Variants in SPMIP2 observed in about 807,000 individuals in gnomAD.
The protein encoded by SPMIP2 is protein SPMIP2.
At chr4:158,968,298 G>A in the SPMIP2 span, among the ~76,000 whole-genome samples, 1 of 152,078 alleles carries the variant, frequency 6.6e-6, no homozygotes, top group African/African-American at 2.4e-5. Flanking sequence ...CAAAGTGCTG[G>A]GATTACAGGC....
At chr4:159,034,922 A>G in the SPMIP2 span, 1 of 815,654 alleles carries the variant, frequency 1.2e-6, no homozygotes, top group Non-Finnish European at 1.9e-6. Context: ...AAACAAAAAC[A>G]AAAAACATAT....
chr4:158,946,897 A>G, the SPMIP2 span, among the ~76,000 whole-genome samples: 3 of 152,190 alleles, frequency 2.0e-5, no homozygotes, highest in Admixed American at 6.5e-5. Context: ...TGCCTGGTAC[A>G]TAGTTGGCAC....
At chr4:158,938,548 A>G in the SPMIP2 span, among the ~76,000 whole-genome samples, 2 of 152,356 alleles carry the variant, frequency 1.3e-5, no homozygotes, top group South Asian at 4.1e-4. Context: ...TGCTAAGTGA[A>G]CACTTACTCG....
At chr4:159,019,516 C>T in the SPMIP2 span, among the ~76,000 whole-genome samples, 1 of 152,072 alleles carries the variant, frequency 6.6e-6, no homozygotes, top group Non-Finnish European at 1.5e-5. Context: ...ATCATGAGTG[C>T]CTCCCCTTCT....
chr4:158,918,531 TAACTATATAG>T, the SPMIP2 span, among the ~76,000 whole-genome samples: 1 of 152,376 alleles, frequency 6.6e-6, no homozygotes, highest in East Asian at 1.9e-4. Context: ...GTTATACAAG[TAACTATATAG>T]AAGAGTTTAG....
At chr4:158,970,166 G>A in the SPMIP2 span, among the ~76,000 whole-genome samples, 10 of 152,236 alleles carry the variant, frequency 6.6e-5, no homozygotes, top group East Asian at 1.4e-3. Context: ...GTCAATTCAC[G>A]CACCAAGTCT....
At chr4:158,916,918 A>C in the SPMIP2 span, among the ~76,000 whole-genome samples, 1 of 149,384 alleles carries the variant, frequency 6.7e-6, no homozygotes, top group African/African-American at 2.5e-5. Flanking sequence ...TGCTGGGATT[A>C]CAGGCATGAG....
the SPMIP2 span, among the ~76,000 whole-genome samples, chr4:159,035,531 ATT>A: frequency 6.6e-6 from 1 of 152,202 alleles, no homozygotes. Flanking sequence ...GGTTAAATAT[ATT>A]TGACAAACAC....
chr4:158,972,496 T>C, the SPMIP2 span, among the ~76,000 whole-genome samples: 1 of 152,196 alleles, frequency 6.6e-6, no homozygotes. Context: ...GAAAAAAATA[T>C]CCAAATTCTC....
At chr4:159,018,791 A>C in the SPMIP2 span, among the ~76,000 whole-genome samples, 1 of 152,060 alleles carries the variant, frequency 6.6e-6, no homozygotes, top group African/African-American at 2.4e-5. Context: ...ATCTTTAGTC[A>C]AGAAGAATAG....
the SPMIP2 span, among the ~76,000 whole-genome samples, chr4:158,900,823 G>A: frequency 6.6e-6 from 1 of 152,134 alleles, no homozygotes; most frequent in Non-Finnish European, 1.5e-5. Context: ...GGGGCATTTA[G>A]CCCGTATTTG....
the SPMIP2 span, among the ~76,000 whole-genome samples, chr4:159,018,034 A>G: frequency 5.3e-5 from 8 of 152,204 alleles, no homozygotes; most frequent in Non-Finnish European, 4.4e-5. Flanking sequence ...GGATTAGTGG[A>G]ACCCAAGGAG....
the SPMIP2 span, among the ~76,000 whole-genome samples, chr4:159,075,420 T>C: frequency 6.6e-6 from 1 of 152,252 alleles, no homozygotes; most frequent in African/African-American, 2.4e-5. Context: ...TTAACATTTT[T>C]TTCTAACCAT....
chr4:158,955,855 G>A, the SPMIP2 span, among the ~76,000 whole-genome samples: 1 of 152,328 alleles, frequency 6.6e-6, no homozygotes, highest in Admixed American at 6.5e-5. Flanking sequence ...CCTTCGAATG[G>A]AAGAAGTCCG....
At chr4:158,911,368 A>AAATAAATAAATAAATAAATAAAT in the SPMIP2 span, among the ~76,000 whole-genome samples, 3 of 146,888 alleles carry the variant, frequency 2.0e-5, no homozygotes, top group Non-Finnish European at 3.0e-5. Flanking sequence ...ATAAATAAAT[A>AAATAAATAAATAAATAAATAAAT]AATAAATAAA....
chr4:158,893,515 T>G, the SPMIP2 span: 2 of 553,384 alleles, frequency 3.6e-6, no homozygotes, highest in South Asian at 2.7e-5. Context: ...TATTAATGGT[T>G]GCAAAGACTG....
At chr4:159,080,630 C>T in the SPMIP2 span, among the ~76,000 whole-genome samples, 1 of 152,092 alleles carries the variant, frequency 6.6e-6, no homozygotes, top group Admixed American at 6.5e-5. Context: ...ATATGAGTGC[C>T]CCCCACCATC....
At chr4:159,044,076 A>G in the SPMIP2 span, among the ~76,000 whole-genome samples, 1 of 152,340 alleles carries the variant, frequency 6.6e-6, no homozygotes, top group Admixed American at 6.5e-5. Context: ...GCAGTATTTC[A>G]ATGAGAAAAT....
the SPMIP2 span, among the ~76,000 whole-genome samples, chr4:158,900,754 T>C: frequency 6.6e-6 from 1 of 152,246 alleles, no homozygotes; most frequent in East Asian, 1.9e-4. Flanking sequence ...GTCTCCTGAA[T>C]ACAGCACAAT....
Sources: allele counts gnomAD v4.1 joint callset (sites outside exome capture counted in the v4.1 genomes callset), GRCh38; gene constraint gnomAD v4.1.1; transcripts MANE v1.5; gene names NCBI Gene and HGNC (gene_info 2026-07-23, HGNC 2026-07-21).